The following NCKAP5 variants were observed in gnomAD, a reference collection of about 807,000 sequenced individuals.
The protein encoded by NCKAP5 is nck-associated protein 5.
A neutral mutation model predicts 167.0 loss-of-function variants in NCKAP5; 92 were observed. That is an observed-to-expected ratio of 0.55 (90% CI 0.47 to 0.66). NCKAP5 has a LOEUF of 0.66. NCKAP5 is among the 30% of genes least tolerant of loss of function. NCKAP5 has a pLI of 0.00. For synonymous variants in NCKAP5, 891 were observed against 877.4 expected (o/e 1.02, Z -0.27); for missense variants, 2,378 against 2,315.0 (o/e 1.03, Z -0.56).
intron 5 of NCKAP5, among the ~76,000 whole-genome samples, chr2:133,206,682 G>A (rs1397302357): frequency 6.6e-6 from 1 of 152,112 alleles, no homozygotes; most frequent in East Asian, 1.9e-4. Context: ...AATATTCAGG[G>A]AACAAGGGTG....
chr2:133,065,820 G>A (rs1040061647), intron 6 of NCKAP5, among the ~76,000 whole-genome samples: 2 of 152,122 alleles, frequency 1.3e-5, no homozygotes. Flanking sequence ...AGTCTTGTCT[G>A]GCATTTTACT....
chr2:133,379,542 G>A (rs1350789163), intron 3 of NCKAP5, among the ~76,000 whole-genome samples: 1 of 152,148 alleles, frequency 6.6e-6, no homozygotes, highest in Non-Finnish European at 1.5e-5. Context: ...TCTAGGGTAA[G>A]AATTCAGTAA....
At chr2:133,016,384 T>G (rs2078335852) in intron 6 of NCKAP5, among the ~76,000 whole-genome samples, 1 of 152,232 alleles carries the variant, frequency 6.6e-6, no homozygotes, top group Admixed American at 6.5e-5. Flanking sequence ...CTACCTGTTT[T>G]GATAATAGCG....
At chr2:132,981,486 T>A (rs1284043787) in intron 7 of NCKAP5, among the ~76,000 whole-genome samples, 2 of 152,166 alleles carry the variant, frequency 1.3e-5, no homozygotes, top group African/African-American at 4.8e-5. Context: ...AAAATGAGGG[T>A]TATAATTTGT....
At chr2:133,137,933 T>C (rs2082854987) in intron 5 of NCKAP5, among the ~76,000 whole-genome samples, 1 of 152,184 alleles carries the variant, frequency 6.6e-6, no homozygotes, top group South Asian at 2.1e-4. Flanking sequence ...CTGTACCCTT[T>C]CCCCATTGGC....
chr2:133,442,617 G>A (rs1248092108), intron 3 of NCKAP5, among the ~76,000 whole-genome samples: 1 of 152,208 alleles, frequency 6.6e-6, no homozygotes, highest in African/African-American at 2.4e-5. Flanking sequence ...CCCCAGGGCT[G>A]AGGGCCAGCT....
chr2:133,368,277 A>G (rs1284246638), intron 3 of NCKAP5, among the ~76,000 whole-genome samples: 1 of 152,190 alleles, frequency 6.6e-6, no homozygotes, highest in African/African-American at 2.4e-5. Context: ...ATTTTTTTCT[A>G]TTAGATAGAT....
At chr2:133,114,669 C>T (rs1398729029) in intron 6 of NCKAP5, among the ~76,000 whole-genome samples, 1 of 152,102 alleles carries the variant, frequency 6.6e-6, no homozygotes, top group Non-Finnish European at 1.5e-5. Context: ...TATAGGTTTT[C>T]TCCCCACCTC....
intron 3 of NCKAP5, among the ~76,000 whole-genome samples, chr2:133,442,584 A>C (rs1690927708): frequency 2.1e-5 from 3 of 144,324 alleles, no homozygotes; most frequent in Admixed American, 2.0e-4. Flanking sequence ...ACTGCCTCCT[A>C]ATTGATGGTT....
chr2:133,118,687 T>C (rs1041011635), intron 6 of NCKAP5: 5 of 152,114 alleles, frequency 3.3e-5, no homozygotes, highest in African/African-American at 7.2e-5. Context: ...ATAAAAGGCA[T>C]CAGGGAGATG....
intron 19 of NCKAP5, among the ~76,000 whole-genome samples, chr2:132,673,926 G>A (rs947181589): frequency 1.3e-5 from 2 of 152,046 alleles, no homozygotes; most frequent in African/African-American, 4.8e-5. Flanking sequence ...TGCTCCAGAA[G>A]GTCTAGTAAT....
chr2:133,633,657 G>A, the NCKAP5 span, among the ~76,000 whole-genome samples: 5 of 152,160 alleles, frequency 3.3e-5, no homozygotes, highest in Non-Finnish European at 5.9e-5. Flanking sequence ...ACATCCCAAC[G>A]CTTAGAGATG....
the NCKAP5 span, among the ~76,000 whole-genome samples, chr2:133,609,615 G>C: frequency 6.6e-6 from 1 of 152,044 alleles, no homozygotes; most frequent in Non-Finnish European, 1.5e-5. Context: ...CTTGTGGCCA[G>C]TCTTCCTGAT....
chr2:133,365,155 T>C (rs1027208328), intron 3 of NCKAP5, among the ~76,000 whole-genome samples: 1 of 151,816 alleles, frequency 6.6e-6, no homozygotes, highest in African/African-American at 2.4e-5. Flanking sequence ...CATGAGAGTT[T>C]TGACTGTGTT....
chr2:133,244,114 A>C (rs1468198296), intron 4 of NCKAP5, among the ~76,000 whole-genome samples: 1 of 152,154 alleles, frequency 6.6e-6, no homozygotes. Context: ...TTCTAGATTT[A>C]TTCATTGTTT....
At chr2:133,058,891 T>G (rs1389077281) in intron 6 of NCKAP5, among the ~76,000 whole-genome samples, 5 of 152,226 alleles carry the variant, frequency 3.3e-5, no homozygotes, top group Admixed American at 3.3e-4. Flanking sequence ...CAAACTTCAT[T>G]GATGAATTTA....
intron 19 of NCKAP5, among the ~76,000 whole-genome samples, chr2:132,709,441 C>A (rs998238588): frequency 2.0e-5 from 3 of 151,598 alleles, no homozygotes; most frequent in Non-Finnish European, 4.4e-5. Context: ...ACAAAATTGG[C>A]AAACCACTAG....
chr2:133,523,492 A>G (rs1288952051), intron 2 of NCKAP5, among the ~76,000 whole-genome samples: 2 of 152,200 alleles, frequency 1.3e-5, no homozygotes, highest in African/African-American at 4.8e-5. Flanking sequence ...TTGCTTAGGC[A>G]TTAGAAGATT....
intron 8 of NCKAP5, among the ~76,000 whole-genome samples, chr2:132,963,030 C>A (rs961846140): frequency 1.3e-5 from 2 of 151,250 alleles, no homozygotes; most frequent in African/African-American, 2.4e-5. Flanking sequence ...AAAAAAAAAT[C>A]TTTGCTGAGT....
Sources: gnomAD v4.1 joint callset for allele counts (sites outside exome capture counted in the v4.1 genomes callset) on GRCh38, gnomAD v4.1.1 for gene constraint, MANE v1.5 for transcripts, NCBI Gene and HGNC (gene_info 2026-07-23, HGNC 2026-07-21) for gene names.